RARB: variants seen among roughly 807,000 people sequenced by gnomAD.
RARB encodes retinoic acid receptor beta, also known as HBV-activated protein.
In RARB, 17 loss-of-function variants were observed where a neutral mutation model predicts 51.9. The ratio of observed to expected loss-of-function variants is 0.33; its 90% CI spans 0.22 to 0.49. The LOEUF is 0.49. RARB is among the 20% of genes least tolerant of loss of function. The probability of loss-of-function intolerance (pLI) is 0.99; values close to 1 mark genes in which losing one functional copy is unlikely to be tolerated. For missense variants in RARB, 369 were observed against 550.8 expected (o/e 0.67, Z 3.30); for synonymous variants, 215 against 195.4 (o/e 1.10, Z -0.84).
intron 2 of RARB, among the ~76,000 whole-genome samples, chr3:25,464,381 A>G (rs1442864731): frequency 6.6e-6 from 1 of 152,222 alleles, no homozygotes; most frequent in Non-Finnish European, 1.5e-5. Context: ...TACCGGCACA[A>G]ACAACTTTGA....
chr3:25,399,007 C>G (rs1209392102), intron 5 of RARB, among the ~76,000 whole-genome samples: 2 of 150,852 alleles, frequency 1.3e-5, no homozygotes, highest in African/African-American at 2.5e-5. Context: ...TTACATGTGG[C>G]AAAAGCAATA....
chr3:24,937,720 T>TA (rs1695575445), intron 2 of RARB, among the ~76,000 whole-genome samples: 1 of 152,084 alleles, frequency 6.6e-6, no homozygotes, highest in African/African-American at 2.4e-5. Flanking sequence ...GGGGCATCCT[T>TA]ATGCAGCAGA....
intron 2 of RARB, among the ~76,000 whole-genome samples, chr3:25,476,124 T>C (rs1695931728): frequency 6.6e-6 from 1 of 152,180 alleles, no homozygotes. Context: ...AAACACATCA[T>C]TTCCACTCAC....
At chr3:25,419,097 G>A (rs1707787118) in intron 5 of RARB, among the ~76,000 whole-genome samples, 1 of 152,010 alleles carries the variant, frequency 6.6e-6, no homozygotes, top group South Asian at 2.1e-4. Context: ...AGTATGATTG[G>A]CCAAAGGAGC....
At chr3:25,160,770 C>T (rs1203865280) in intron 4 of RARB, among the ~76,000 whole-genome samples, 3 of 152,154 alleles carry the variant, frequency 2.0e-5, no homozygotes, top group Non-Finnish European at 4.4e-5. Context: ...CGCCATGGTT[C>T]GTTCTTTCAG....
rs9816084 is a variant in RARB at position 25,390,036 on chromosome 3, G to A, written c.179-71157G>A. ...GAAAGATAAATTTGAAGGGGCTGAG[G>A]TTATTTATCTTATCGAGTGCTGTTG... On this transcript the variant is annotated intron_variant, in intron 5 of 11. Transcript: ENST00000383772. Among the ~76,000 whole-genome samples, 422 of 152,064 alleles carry A rather than the reference G, an allele frequency of 2.8e-3. 3 individuals carry two copies. The highest frequency in any genetic ancestry group is 0.01 in the Middle Eastern group (3 of 294).
At chr3:24,979,630 A>G (rs775884924) in intron 2 of RARB, among the ~76,000 whole-genome samples, 7 of 150,612 alleles carry the variant, frequency 4.6e-5, no homozygotes, top group Admixed American at 3.3e-4. Context: ...TGCTTGATAG[A>G]TCTTCCTCCA....
chr3:25,189,347 A>C (rs766762057), intron 5 of RARB, among the ~76,000 whole-genome samples: 1 of 152,128 alleles, frequency 6.6e-6, no homozygotes, highest in African/African-American at 2.4e-5. Context: ...TATCCATAAA[A>C]ACTATTTTCC....
chr3:25,202,617 A>T (rs979255052), intron 5 of RARB, among the ~76,000 whole-genome samples: 1 of 152,144 alleles, frequency 6.6e-6, no homozygotes, highest in Non-Finnish European at 1.5e-5. Context: ...TGTGTCCCAG[A>T]GATTCTGGTA....
intron 2 of RARB, among the ~76,000 whole-genome samples, chr3:24,923,260 T>C (rs1695255483): frequency 1.3e-5 from 2 of 152,020 alleles, no homozygotes; most frequent in African/African-American, 4.8e-5. Context: ...TCTCTGTATT[T>C]CACTATAATG....
At chr3:25,512,327 A>G (rs1416208306) in intron 3 of RARB, among the ~76,000 whole-genome samples, 5 of 152,134 alleles carry the variant, frequency 3.3e-5, no homozygotes, top group Admixed American at 2.0e-4. Context: ...TGTCCTTGGG[A>G]CTCAAATCTA....
chr3:25,482,782 G>A (rs989244775), intron 2 of RARB, among the ~76,000 whole-genome samples: 10 of 151,754 alleles, frequency 6.6e-5, no homozygotes, highest in East Asian at 3.9e-4. Flanking sequence ...CTCATGATCC[G>A]CCCAGCTCGG....
intron 2 of RARB, among the ~76,000 whole-genome samples, chr3:25,481,158 G>C (rs1380970072): frequency 6.6e-6 from 1 of 152,136 alleles, no homozygotes; most frequent in East Asian, 1.9e-4. Flanking sequence ...AAACCACTCA[G>C]ATCATACAAT....
At chr3:25,471,944 C>T (rs976338812) in intron 2 of RARB, among the ~76,000 whole-genome samples, 2 of 152,164 alleles carry the variant, frequency 1.3e-5, no homozygotes, top group African/African-American at 4.8e-5. Context: ...CCTCTACCTT[C>T]TCATTGTCAG....
chr3:24,868,345 A>G (rs1188313690), intron 2 of RARB, among the ~76,000 whole-genome samples: 1 of 152,168 alleles, frequency 6.6e-6, no homozygotes, highest in Non-Finnish European at 1.5e-5. Flanking sequence ...TTAGTATTTA[A>G]TCCATTTATA....
At chr3:25,205,765 C>T (rs957901965) in intron 5 of RARB, among the ~76,000 whole-genome samples, 18 of 150,294 alleles carry the variant, frequency 1.2e-4, no homozygotes, top group East Asian at 5.9e-4. Flanking sequence ...TTTCTTGAGA[C>T]GGGGTCTCAC....
At chr3:25,196,249 T>C (rs868196744) in intron 5 of RARB, among the ~76,000 whole-genome samples, 2 of 151,402 alleles carry the variant, frequency 1.3e-5, no homozygotes, top group South Asian at 2.1e-4. Context: ...GGCCCCAGTG[T>C]GTGATGTTCC....
chr3:25,252,600 G>T (rs2125402626), intron 5 of RARB, among the ~76,000 whole-genome samples: 1 of 152,072 alleles, frequency 6.6e-6, no homozygotes, highest in Admixed American at 6.5e-5. Flanking sequence ...TTATTGTTTT[G>T]GTTGCTATTA....
intron 4 of RARB, 78 bp downstream of exon 4, chr3:25,569,996 A>ACACACACACACC: frequency 7.2e-7 from 1 of 1,383,310 alleles, no homozygotes; most frequent in Non-Finnish European, 9.8e-7. Context: ...ACACACACAC[A>ACACACACACACC]CACACACACA....
Sources: gnomAD v4.1 joint callset for allele counts (sites outside exome capture counted in the v4.1 genomes callset) on GRCh38, gnomAD v4.1.1 for gene constraint, MANE v1.5 for transcripts, NCBI Gene and HGNC (gene_info 2026-07-23, HGNC 2026-07-21) for gene names.